Variants in MAPK10 observed in about 807,000 individuals in gnomAD.
MAPK10 encodes the protein JNK3 alpha protein kinase.
In MAPK10, 25 loss-of-function variants were observed where a neutral mutation model predicts 59.3. That is an observed-to-expected ratio of 0.42 (90% CI 0.31 to 0.59). The LOEUF (loss-of-function observed/expected upper bound fraction) is 0.59, where lower values mean the gene tolerates loss of function less well. Among genes scored for constraint, MAPK10 ranks in the 20% least tolerant of loss-of-function variants. MAPK10 has a pLI of 0.15. For missense variants in MAPK10, 351 were observed against 568.9 expected (o/e 0.62, Z 3.90); for synonymous variants, 190 against 200.5 (o/e 0.95, Z 0.44).
chr4:86,115,268 C>T (rs2058127880), intron 4 of MAPK10, among the ~76,000 whole-genome samples: 1 of 152,204 alleles, frequency 6.6e-6, no homozygotes, highest in Non-Finnish European at 1.5e-5. Context: ...AGTCACTCAC[C>T]ACCTCTCTTG....
At chr4:86,586,107 T>G (rs1480815219) in intron 1 of MAPK10, among the ~76,000 whole-genome samples, 1 of 152,184 alleles carries the variant, frequency 6.6e-6, no homozygotes, top group African/African-American at 2.4e-5. Context: ...CATATTCACA[T>G]TAAATTACTT....
intron 1 of MAPK10, among the ~76,000 whole-genome samples, chr4:86,547,343 G>T (rs934601975): frequency 6.6e-6 from 1 of 152,234 alleles, no homozygotes; most frequent in Non-Finnish European, 1.5e-5. Flanking sequence ...GGGGAACCAG[G>T]ACTGCGCGAG....
intron 12 of MAPK10, among the ~76,000 whole-genome samples, chr4:86,030,625 T>C (rs2148916662): frequency 6.6e-6 from 1 of 152,256 alleles, no homozygotes; most frequent in South Asian, 2.1e-4. Flanking sequence ...GAGTCATCGC[T>C]CCTGGCCCTG....
At chr4:86,180,513 A>G (rs894106952) in intron 3 of MAPK10, among the ~76,000 whole-genome samples, 11 of 151,370 alleles carry the variant, frequency 7.3e-5, no homozygotes, top group African/African-American at 2.7e-4. Flanking sequence ...AGAAGAAGAA[A>G]AAAGAAAACT....
chr4:86,054,659 G>C (rs1175835621), intron 11 of MAPK10, among the ~76,000 whole-genome samples: 1 of 152,114 alleles, frequency 6.6e-6, no homozygotes, highest in East Asian at 1.9e-4. Context: ...ATCCATTGTA[G>C]CTCATATTTC....
chr4:86,292,956 A>G (rs963352254), intron 2 of MAPK10, among the ~76,000 whole-genome samples: 2 of 152,190 alleles, frequency 1.3e-5, no homozygotes, highest in Admixed American at 1.3e-4. Context: ...ACAAATGCAT[A>G]AAACTAAGTC....
intron 2 of MAPK10, among the ~76,000 whole-genome samples, chr4:86,199,413 T>G (rs1582625181): frequency 7.2e-6 from 1 of 138,442 alleles, no homozygotes; most frequent in East Asian, 1.9e-4. Flanking sequence ...CTCTTTTTTT[T>G]GTTATGTTAT....
intron 1 of MAPK10, among the ~76,000 whole-genome samples, chr4:86,404,299 G>A (rs1744091470): frequency 6.6e-6 from 1 of 152,086 alleles, no homozygotes. Flanking sequence ...AGAGAGGAAA[G>A]GAAGAGAATT....
chr4:86,200,201 T>C (rs960980161), intron 2 of MAPK10, among the ~76,000 whole-genome samples: 2 of 152,060 alleles, frequency 1.3e-5, no homozygotes, highest in African/African-American at 4.8e-5. Flanking sequence ...TCAAGTCTAA[T>C]TTACACAGCA....
In MAPK10 at chr4:86,385,739, C is replaced by G. The variant is rs1376573708; in HGVS notation, c.-121-31095G>C. On this transcript the variant is annotated intron_variant, in intron 1 of 13. Coordinates refer to the MAPK10 transcript ENST00000361569. ...AAAAGATTCCCTGTAGATGCAAAAC[C>G]AAAGAATTTGGAACACCCAACACTC... Among the ~76,000 whole-genome samples the G allele has an allele frequency of 1.3e-5, 2 of 152,160 alleles. 1 individual carries two copies. Among genetic ancestry groups the G allele is most frequent in the South Asian group, 4.2e-4 (2 of 4,812 alleles).
intron 1 of MAPK10, among the ~76,000 whole-genome samples, chr4:86,580,464 A>G (rs1762188700): frequency 6.6e-6 from 1 of 152,106 alleles, no homozygotes; most frequent in Non-Finnish European, 1.5e-5. Context: ...AGGCCACTGC[A>G]TTCCAGCCTG....
chr4:86,109,716 A>C (rs935849597), intron 4 of MAPK10, among the ~76,000 whole-genome samples: 26 of 152,210 alleles, frequency 1.7e-4, no homozygotes, highest in Non-Finnish European at 1.5e-5. Flanking sequence ...GTATCTTTAC[A>C]ACAGAATGAT....
upstream of MAPK10, among the ~76,000 whole-genome samples, chr4:86,360,441 G>A (rs147162635): frequency 3.9e-5 from 6 of 152,230 alleles, no homozygotes; most frequent in African/African-American, 9.6e-5. Flanking sequence ...ATCTCTAAAC[G>A]TCAAACAAGT....
intron 10 of MAPK10, chr4:86,064,892 G>C (rs929051481): frequency 1.3e-5 from 2 of 152,082 alleles, no homozygotes; most frequent in African/African-American, 2.4e-5. Flanking sequence ...TTTTCTTTTT[G>C]TTTTTGTTTA....
chr4:86,221,971 C>A (rs569387653), intron 2 of MAPK10, among the ~76,000 whole-genome samples: 1 of 152,186 alleles, frequency 6.6e-6, no homozygotes, highest in East Asian at 1.9e-4. Context: ...GAACCTCCCC[C>A]TCTCTCTCTT....
intron 1 of MAPK10, among the ~76,000 whole-genome samples, chr4:86,500,323 G>T (rs533609782): frequency 2.1e-4 from 32 of 152,276 alleles, no homozygotes; most frequent in African/African-American, 7.5e-4. Flanking sequence ...CAGATCATAT[G>T]ATTCTATTTT....
chr4:86,324,039 A>G (rs2095963237), intron 2 of MAPK10, among the ~76,000 whole-genome samples: 2 of 152,204 alleles, frequency 1.3e-5, no homozygotes, highest in African/African-American at 2.4e-5. Flanking sequence ...TTTGAGGTAG[A>G]AAGTTCCCAG....
intron 1 of MAPK10, among the ~76,000 whole-genome samples, chr4:86,592,401 A>C (rs1403356892): frequency 6.6e-6 from 1 of 152,220 alleles, no homozygotes; most frequent in African/African-American, 2.4e-5. Context: ...AAAAGCTAAC[A>C]ACACTGTGGT....
intron 4 of MAPK10, among the ~76,000 whole-genome samples, chr4:86,140,579 T>G (rs1387281769): frequency 6.7e-6 from 1 of 148,962 alleles, no homozygotes. Flanking sequence ...ATATACCCAA[T>G]GCTAGATGAC....
Sources: allele counts gnomAD v4.1 joint callset (sites outside exome capture counted in the v4.1 genomes callset), GRCh38; gene constraint gnomAD v4.1.1; transcripts MANE v1.5; gene names NCBI Gene and HGNC (gene_info 2026-07-23, HGNC 2026-07-21).